The following NRCAM variants were observed in gnomAD, a reference collection of about 807,000 sequenced individuals.
NRCAM encodes the protein NgCAM-related cell adhesion molecule.
In NRCAM, 83 loss-of-function variants were observed where a neutral mutation model predicts 156.5. The observed-to-expected ratio is 0.53, with a 90% CI of 0.44 to 0.64. The LOEUF is 0.64. Among genes scored for constraint, NRCAM ranks in the 30% least tolerant of loss-of-function variants. The pLI is 0.00. For missense variants in NRCAM, 1,417 were observed against 1,597.3 expected (o/e 0.89, Z 1.92); for synonymous variants, 538 against 563.9 (o/e 0.95, Z 0.65).
chr7:108,263,260 A>T (rs1224094253), intron 3 of NRCAM, among the ~76,000 whole-genome samples: 1 of 152,206 alleles, frequency 6.6e-6, no homozygotes, highest in Non-Finnish European at 1.5e-5. Flanking sequence ...AAACACCTTC[A>T]CAGAAAAGAA....
chr7:108,227,757 A>G (rs78583191), intron 8 of NRCAM, among the ~76,000 whole-genome samples: 3 of 152,196 alleles, frequency 2.0e-5, no homozygotes, highest in Non-Finnish European at 2.9e-5. Flanking sequence ...TCAGGCCACT[A>G]TGTCTCCTGA....
chr7:108,274,547 T>C (rs2097519685), intron 3 of NRCAM, among the ~76,000 whole-genome samples: 1 of 152,346 alleles, frequency 6.6e-6, no homozygotes, highest in African/African-American at 2.4e-5. Flanking sequence ...GTTTGTCTGT[T>C]ATTGGTGTAT....
intron 2 of NRCAM, among the ~76,000 whole-genome samples, chr7:108,357,397 G>C (rs567033675): frequency 4.7e-5 from 7 of 148,914 alleles, no homozygotes; most frequent in African/African-American, 1.7e-4. Flanking sequence ...GCAATGGCAC[G>C]ATCTCATCTC....
chr7:108,404,009 C>A (rs2099800521), intron 1 of NRCAM, among the ~76,000 whole-genome samples: 1 of 152,144 alleles, frequency 6.6e-6, no homozygotes, highest in African/African-American at 2.4e-5. Flanking sequence ...CTTAGTTTTT[C>A]TGACTCCACC....
intron 2 of NRCAM, among the ~76,000 whole-genome samples, chr7:108,356,043 G>A (rs2099493327): frequency 1.3e-5 from 2 of 151,998 alleles, no homozygotes. Context: ...CTGCCTCCCA[G>A]GTTCAAGCGA....
intron 3 of NRCAM, among the ~76,000 whole-genome samples, chr7:108,267,553 A>G (rs936774905): frequency 6.6e-6 from 1 of 152,264 alleles, no homozygotes; most frequent in Non-Finnish European, 1.5e-5. Context: ...GGAAAAAACA[A>G]AAACCCCAAA....
In NRCAM at chr7:108,369,418, C is replaced by G. The variant is rs572819102; in HGVS notation, c.-174+30018G>C. Among the ~76,000 whole-genome samples the G allele has an allele frequency of 3.1e-4, 47 of 152,072 alleles. No individual in the cohort carries two copies. In the East Asian group the frequency reaches 5.2e-3, roughly 17 times the overall value. ...TATGAAATATAGGCCACTGAAAAGT[C>G]TTTGAAAGTATTTTCCTTTAAAACA... On this transcript the variant is annotated intron_variant, in intron 2 of 32. Transcript: ENST00000379028.
intron 3 of NRCAM, among the ~76,000 whole-genome samples, chr7:108,265,160 T>C (rs2097049403): frequency 1.3e-5 from 2 of 152,198 alleles, no homozygotes; most frequent in Admixed American, 1.3e-4. Flanking sequence ...AGTAAGGCTG[T>C]GTGACAATAC....
chr7:108,444,711 C>T (rs546548572), intron 1 of NRCAM, among the ~76,000 whole-genome samples: 1 of 152,258 alleles, frequency 6.6e-6, no homozygotes, highest in East Asian at 1.9e-4. Context: ...TATAAGGACA[C>T]TAATCATATA....
intron 24 of NRCAM, 121 bp downstream of exon 24, chr7:108,181,701 T>G (rs2063588378): frequency 1.8e-6 from 1 of 548,190 alleles, no homozygotes; most frequent in African/African-American, 1.9e-5. Context: ...AATGAACTCT[T>G]CAGTCCACAA....
intron 3 of NRCAM, among the ~76,000 whole-genome samples, chr7:108,275,229 G>A (rs2097548324): frequency 6.6e-6 from 1 of 152,170 alleles, no homozygotes; most frequent in Non-Finnish European, 1.5e-5. Context: ...CCAGACTTTG[G>A]TATCAGGATG....
Position 108,185,768 on chromosome 7 carries a change from A to G in NRCAM, c.2036-1154T>C, listed in dbSNP as rs527956360. ...AAAAAAAAGAATAGGGCTGTTCCATACGTACTGAAATGGAATGATTTCTAA... is the reference window on the plus strand; with the variant it reads ...AAAAAAAAGAATAGGGCTGTTCCATGCGTACTGAAATGGAATGATTTCTAA... On this transcript the variant is annotated intron_variant, in intron 20 of 32. Coordinates refer to ENST00000379028, the MANE Select transcript of NRCAM (RefSeq NM_001037132.4). 6.6e-5 allele frequency among the ~76,000 whole-genome samples: 10 copies of G among 150,404 alleles called. No homozygotes were observed. In the Admixed American group the frequency reaches 6.7e-4, roughly 10 times the overall value.
chr7:108,344,168 G>A (rs1438484858), intron 2 of NRCAM, among the ~76,000 whole-genome samples: 1 of 152,170 alleles, frequency 6.6e-6, no homozygotes, highest in Non-Finnish European at 1.5e-5. Context: ...AGGGGGTACT[G>A]AGAGACAGGA....
At chr7:108,284,960 T>C (rs951739431) in intron 3 of NRCAM, among the ~76,000 whole-genome samples, 1 of 152,194 alleles carries the variant, frequency 6.6e-6, no homozygotes, top group African/African-American at 2.4e-5. Flanking sequence ...AAGGGCTCAT[T>C]CACCTACTCC....
At chr7:108,405,250 A>G (rs2099804005) in intron 1 of NRCAM, among the ~76,000 whole-genome samples, 1 of 152,220 alleles carries the variant, frequency 6.6e-6, no homozygotes, top group African/African-American at 2.4e-5. Context: ...TGATTTAGCA[A>G]TATGCTGGAA....
chr7:108,441,486 A>G (rs536601932), intron 1 of NRCAM, among the ~76,000 whole-genome samples: 1 of 152,360 alleles, frequency 6.6e-6, no homozygotes, highest in African/African-American at 2.4e-5. Context: ...TCAGTTCTCT[A>G]TACAACATTC....
rs1385785265 is a variant in NRCAM, at chr7:108,181,895, T to A, written c.2573A>T (p.Asn858Ile). 3 of 1,614,154 alleles carry A rather than the reference T, an allele frequency of 1.9e-6. No homozygotes were observed. The highest frequency in any genetic ancestry group is 1.1e-5 in the South Asian group (1 of 91,072). ...APGNVRVNVV[N>I]STLAEVHWDP... is the part of the protein sequence containing the mutation. Reference sequence around the variant, plus strand: ...CCAGTGCACCTCGGCTAAGGTACTGTTCACCACATTCACACGCACGTTCCC... The same window carrying A: ...CCAGTGCACCTCGGCTAAGGTACTGATCACCACATTCACACGCACGTTCCC... Residue 858 changes from asparagine to isoleucine, a missense_variant, in exon 24 of 33, where the codon AAC becomes ATC. Physicochemically the swap from Asn to Ile is moderately radical, Grantham distance 149. Coordinates refer to ENST00000379028, the MANE Select transcript of NRCAM (RefSeq NM_001037132.4).
At chr7:108,296,768 A>G (rs2098461929) in intron 3 of NRCAM, among the ~76,000 whole-genome samples, 1 of 152,206 alleles carries the variant, frequency 6.6e-6, no homozygotes, top group African/African-American at 2.4e-5. Flanking sequence ...TCTTATTCAT[A>G]TGATCTCTTG....
At chr7:108,223,674 C>T (rs2092868679) in intron 11 of NRCAM, 51 bp downstream of exon 11, 1 of 911,284 alleles carries the variant, frequency 1.1e-6, no homozygotes, top group Non-Finnish European at 1.8e-6. Flanking sequence ...CTCTACCAAC[C>T]TACTATATTT....
Sources: gnomAD v4.1 joint callset for allele counts (sites outside exome capture counted in the v4.1 genomes callset) on GRCh38, gnomAD v4.1.1 for gene constraint, MANE v1.5 for transcripts, NCBI Gene and HGNC (gene_info 2026-07-23, HGNC 2026-07-21) for gene names.